Variants in CELF1 observed in about 807,000 individuals in gnomAD.
CELF1 encodes the protein 50 kDa nuclear polyadenylated RNA-binding protein.
In CELF1, 10 loss-of-function variants were observed where a neutral mutation model predicts 61.8. That is an observed-to-expected ratio of 0.16 (90% CI 0.10 to 0.27). CELF1 has a LOEUF of 0.27. Ranked by LOEUF, CELF1 falls within the 10% of genes least tolerant of loss-of-function variation. The pLI is 1.00. For missense variants in CELF1, 380 were observed against 639.1 expected (o/e 0.59, Z 4.37); for synonymous variants, 236 against 225.1 (o/e 1.05, Z -0.43).
At chr11:47,525,203 T>G (rs2096173883) in intron 1 of CELF1, among the ~76,000 whole-genome samples, 1 of 152,254 alleles carries the variant, frequency 6.6e-6, no homozygotes, top group Non-Finnish European at 1.5e-5. Context: ...TCTTTTTTAT[T>G]TTATGGTTGA....
At chr11:47,505,993 C>T (rs1034552420) in intron 1 of CELF1, among the ~76,000 whole-genome samples, 3 of 149,810 alleles carry the variant, frequency 2.0e-5, no homozygotes, top group Admixed American at 6.7e-5. Flanking sequence ...GGTATTAGTA[C>T]GTGCATGGAA....
chr11:47,556,111 T>C (rs2097205161), upstream of CELF1, among the ~76,000 whole-genome samples: 1 of 152,174 alleles, frequency 6.6e-6, no homozygotes, highest in African/African-American at 2.4e-5. Context: ...TCTAAACTTT[T>C]ACATACCTTT....
rs767221177 is a variant in CELF1 at position 47,475,367 on chromosome 11, CT to C, written c.1241del (p.Gln414ArgfsTer49). ...TCTGGCTTCCAGCAGCACCAATACT[CT>C]GCTGTGTCAGAAGATTCTGGTTGTA... is the stretch of plus-strand genomic sequence containing the variant. ...TLYNQNLLTQ[Q>X]SIGAAGSQKE... On this transcript the variant is annotated frameshift_variant, in exon 13 of 15. Transcript: ENST00000687097. LOFTEE classifies it high-confidence loss of function. The C allele has an allele frequency of 6.2e-7, 1 of 1,613,972 alleles. No individual in the cohort carries two copies. The highest frequency in any genetic ancestry group is 2.2e-5 in the East Asian group (1 of 44,886).
In CELF1 at chr11:47,504,959, CACT is replaced by C. The variant is rs996220618; in HGVS notation, c.-153-4030_-153-4028del. 1.7e-4 allele frequency among the ~76,000 whole-genome samples: 25 copies of C among 149,374 alleles called. 1 individual carries two copies. The highest frequency in any genetic ancestry group is 1.3e-3 in the Admixed American group (19 of 14,902). ...ATCTAAAATCACTGTACCAAAAAAG[CACT>C]ACATTTAATAATTTGTTGTGTACAA... is the stretch of plus-strand genomic sequence containing the variant. On this transcript the variant is annotated intron_variant, in intron 1 of 14. Transcript: ENST00000687097.
chr11:47,487,839 T>C (rs1323257027), intron 4 of CELF1, among the ~76,000 whole-genome samples: 1 of 152,232 alleles, frequency 6.6e-6, no homozygotes, highest in African/African-American at 2.4e-5. Flanking sequence ...TCTGTAGATT[T>C]TGTGCTTTGT....
upstream of CELF1, among the ~76,000 whole-genome samples, chr11:47,553,831 A>G (rs1164058926): frequency 3.4e-5 from 5 of 148,856 alleles, no homozygotes; most frequent in African/African-American, 4.9e-5. Context: ...TTTTTTTCTT[A>G]ACTCAGGTTA....
chr11:47,519,383 G>T (rs952315948), intron 1 of CELF1, among the ~76,000 whole-genome samples: 2 of 151,798 alleles, frequency 1.3e-5, no homozygotes, highest in African/African-American at 4.8e-5. Flanking sequence ...TGGGAGGCTG[G>T]GGCAGAAGAA....
intron 3 of CELF1, among the ~76,000 whole-genome samples, chr11:47,490,743 AAAC>A (rs749090812): frequency 1.6e-4 from 25 of 152,124 alleles, no homozygotes; most frequent in Non-Finnish European, 3.2e-4. Context: ...AGTTCTCTTT[AAAC>A]AACAACAAAA....
intron 9 of CELF1, chr11:47,482,460 T>C (rs1450102604): frequency 6.0e-6 from 2 of 335,786 alleles, no homozygotes; most frequent in East Asian, 9.4e-5. Flanking sequence ...AGGAATTCAC[T>C]TTAGTTGCAG....
intron 1 of CELF1, among the ~76,000 whole-genome samples, chr11:47,511,985 A>G (rs1464870191): frequency 6.6e-6 from 1 of 151,922 alleles, no homozygotes; most frequent in Non-Finnish European, 1.5e-5. Context: ...AGCAGCTAGG[A>G]CTACAGGCAC....
chr11:47,564,950 T>G (rs1246974354), intron 1 of CELF1, among the ~76,000 whole-genome samples: 2 of 152,298 alleles, frequency 1.3e-5, no homozygotes, highest in East Asian at 3.9e-4. Context: ...TAAACACTGC[T>G]GTTTGGTCAG....
In CELF1 at chr11:47,468,558, G is replaced by A. The variant is rs896150167; in HGVS notation, c.*3672C>T. 6.6e-6 allele frequency: 1 copy of A among 152,458 alleles called. No individual in the cohort carries two copies. Among genetic ancestry groups the A allele is most frequent in the Admixed American group, 6.6e-5 (1 of 15,248 alleles). The allele number at this position is 152,458 out of a possible 1,614,324, so 9.4% of individuals were successfully genotyped here. ...GGGCTGCTCTGAAGACAATTACAAAGAATTGGAATCACAAAATCAAGTGGT... is the reference window on the plus strand; with the variant it reads ...GGGCTGCTCTGAAGACAATTACAAAAAATTGGAATCACAAAATCAAGTGGT... On this transcript the variant is annotated 3_prime_UTR_variant, in exon 15 of 15. Transcript: ENST00000687097.
intron 6 of CELF1, 105 bp downstream of exon 6, chr11:47,486,645 C>A: frequency 1.1e-6 from 1 of 873,472 alleles, no homozygotes; most frequent in South Asian, 1.4e-5. Context: ...CGGCCTCAAG[C>A]AATCCATCTG....
chr11:47,476,089 T>C (rs192982248), intron 12 of CELF1, among the ~76,000 whole-genome samples: 1 of 151,134 alleles, frequency 6.6e-6, no homozygotes, highest in African/African-American at 2.4e-5. Context: ...AGCCTCAAGC[T>C]CCCAGGCTCA....
chr11:47,538,635 TC>T (rs1482996790), intron 1 of CELF1, among the ~76,000 whole-genome samples: 1 of 77,098 alleles, frequency 1.3e-5, no homozygotes, highest in Non-Finnish European at 2.6e-5. Context: ...AGAGCAAGAC[TC>T]CGTCTCAAAA....
At chr11:47,552,453 G>C (rs898434401) in intron 1 of CELF1, among the ~76,000 whole-genome samples, 1 of 152,238 alleles carries the variant, frequency 6.6e-6, no homozygotes, top group Non-Finnish European at 1.5e-5. Context: ...TGATGTGGGG[G>C]GAGGGCGAGC....
chr11:47,559,918 C>T (rs1175856809), intron 2 of CELF1, among the ~76,000 whole-genome samples: 1 of 151,274 alleles, frequency 6.6e-6, no homozygotes, highest in East Asian at 1.9e-4. Context: ...AGGAGAATCG[C>T]TTGAACCCAA....
rs1237766782 is a variant in CELF1 at position 47,473,197 on chromosome 11, C to T, written c.1308G>A (p.Leu436=). 10 of 1,614,128 alleles carry T rather than the reference C, an allele frequency of 6.2e-6. No individual in the cohort carries two copies. The highest frequency in any genetic ancestry group is 8.5e-6 in the Non-Finnish European group (10 of 1,179,998). The change falls in exon 14 of 15, where the codon CTG becomes CTA. Residue 436 remains leucine (L), a synonymous_variant. Coordinates refer to ENST00000687097, the MANE Select transcript of CELF1 (RefSeq NM_001376376.1). ...PEGANLFIYH[L]PQEFGDQDLL... ...GGTCCTGATCACCAAACTCCTGGGG[C>T]AGGTGGTAGATGAACAGGTTGGCTC...
Position 47,545,867 on chromosome 11 carries a change from CTGCGTGTGTG to C in CELF1, c.-154+7115_-154+7124del, listed in dbSNP as rs1248295877. ...TATGTATACGTGTGTGTGTGTGTGTCTGCGTGTGTGTGTGTGTGTGTGTGTGTGTGTGTGT... is the reference window on the plus strand; with the variant it reads ...TATGTATACGTGTGTGTGTGTGTGTCTGTGTGTGTGTGTGTGTGTGTGTGT... On this transcript the variant is annotated intron_variant, in intron 1 of 14. Transcript: ENST00000687097. Among the ~76,000 whole-genome samples the C allele has an allele frequency of 1.6e-3, 194 of 121,650 alleles. 2 individuals are homozygous for C. The highest frequency in any genetic ancestry group is 4.1e-3 in the East Asian group (15 of 3,690). The allele number at this position is 121,650 out of a possible 152,430, so 79.8% of individuals were successfully genotyped here. A position where few individuals can be genotyped will look rare whatever the true frequency, so the allele number is the denominator to read the frequency against.
Sources: allele counts gnomAD v4.1 joint callset (sites outside exome capture counted in the v4.1 genomes callset), GRCh38; gene constraint gnomAD v4.1.1; transcripts MANE v1.5; gene names NCBI Gene and HGNC (gene_info 2026-07-23, HGNC 2026-07-21).